TOPBP1: variants seen among roughly 807,000 people sequenced by gnomAD.
The protein encoded by TOPBP1 is DNA topoisomerase 2-binding protein 1.
A neutral mutation model predicts 167.7 loss-of-function variants in TOPBP1; 28 were observed. That is an observed-to-expected ratio of 0.17 (90% CI 0.12 to 0.23). The LOEUF is 0.23. Among genes scored for constraint, TOPBP1 ranks in the 10% least tolerant of loss-of-function variants. TOPBP1 has a pLI of 1.00. For missense variants in TOPBP1, 1,554 were observed against 1,809.6 expected, an observed-to-expected ratio of 0.86 and a Z score of 2.56; for synonymous variants, 598 against 611.4, an observed-to-expected ratio of 0.98 and a Z score of 0.32.
chr3:133,654,898 T>C (rs1936424505), intron 6 of TOPBP1, among the ~76,000 whole-genome samples: 1 of 152,192 alleles, frequency 6.6e-6, no homozygotes, highest in African/African-American at 2.4e-5. Flanking sequence ...AAAGCTGTTC[T>C]GTAAAGATTT....
chr3:133,620,275 A>G lies in TOPBP1; in HGVS notation c.3251T>C (p.Ile1084Thr). 6.2e-7 allele frequency: 1 copy of G among 1,614,006 alleles called. No individual in the cohort carries two copies. The highest frequency in any genetic ancestry group is 8.5e-7 in the Non-Finnish European group (1 of 1,179,894). The change falls in exon 20 of 28, where the codon ATA becomes ACA. Residue 1084 changes from isoleucine (I) to threonine (T), a missense_variant. Physicochemically the swap from Ile to Thr is moderately conservative, Grantham distance 89 (BLOSUM62 -1). Transcript: ENST00000260810. ...QLQEIMSATSIVKPQGQRTSL... is the reference protein window; with the variant it reads ...QLQEIMSATSTVKPQGQRTSL... ...AGTCCTCTGCCCTTGGGGTTTCACT[A>G]TTGATGTTGCAGACATTATCTCCTG... is the stretch of plus-strand genomic sequence containing the variant.
intron 13 of TOPBP1, 119 bp downstream of exon 13, chr3:133,639,840 G>T: frequency 1.1e-6 from 1 of 940,634 alleles, no homozygotes; most frequent in Non-Finnish European, 1.6e-6. Context: ...GACCCTCACT[G>T]CACCCAATGT....
chr3:133,642,000 T>G (rs1172843656), intron 12 of TOPBP1, among the ~76,000 whole-genome samples: 1 of 151,956 alleles, frequency 6.6e-6, no homozygotes, highest in East Asian at 1.9e-4. Context: ...TATTTGGGCT[T>G]TTTTTTGGAG....
chr3:133,602,356 T>C lies in TOPBP1; in HGVS notation c.4426-963A>G, dbSNP rs1044813798. ...CATTTCATACAACAGAAAGCTAGAA[T>C]TGATCCCCAATCAACCTGCACTCCA... On this transcript the variant is annotated intron_variant, in intron 27 of 27. Transcript: ENST00000260810. 6.2e-4 allele frequency among the ~76,000 whole-genome samples: 94 copies of C among 152,328 alleles called. 1 individual carries two copies. The highest frequency in any genetic ancestry group is 2.2e-3 in the African/African-American group (90 of 41,580).
intron 6 of TOPBP1, among the ~76,000 whole-genome samples, chr3:133,654,603 A>G (rs1264055458): frequency 2.0e-5 from 3 of 152,228 alleles, no homozygotes; most frequent in Admixed American, 6.5e-5. Context: ...CACAGTATAC[A>G]TATAAAGGGC....
Position 133,655,347 on chromosome 3 carries a change from A to G in TOPBP1, c.685T>C (p.Tyr229His), listed in dbSNP as rs1936444994. The G allele has an allele frequency of 1.9e-6, 3 of 1,603,104 alleles. No individual in the cohort carries two copies. Among genetic ancestry groups the G allele is most frequent in the Non-Finnish European group, 2.6e-6 (3 of 1,175,032 alleles). ...TCATTCATTTTCAATTGTCCCATGT[A>G]TTGACCTCCATGCTTAACTGTGAGT... ...QQLTVKHGGQ[Y>H]MGQLKMNECT... Residue 229 changes from tyrosine to histidine, a missense_variant, in exon 6 of 28, where the codon TAC becomes CAC. Coordinates refer to ENST00000260810, the MANE Select transcript of TOPBP1 (RefSeq NM_007027.4).
chr3:133,610,241 C>T (rs1273480110), intron 25 of TOPBP1, among the ~76,000 whole-genome samples: 1 of 152,104 alleles, frequency 6.6e-6, no homozygotes, highest in African/African-American at 2.4e-5. Context: ...CTGATTTCTA[C>T]AGAAGTTATG....
intron 19 of TOPBP1, among the ~76,000 whole-genome samples, chr3:133,621,925 C>T (rs1935101309): frequency 6.6e-6 from 1 of 151,252 alleles, no homozygotes; most frequent in South Asian, 2.1e-4. Context: ...GAATGGATGC[C>T]TAAACAAAGT....
chr3:133,610,934 T>C lies in TOPBP1; in HGVS notation c.4173+70A>G, dbSNP rs945037204. ...ATTATTTCCTGAAGCACATTCTCTT[T>C]TAAAAAAAATGTGAAAGAGTCACAA... is the stretch of plus-strand genomic sequence containing the variant. On this transcript the variant is annotated intron_variant, in intron 25 of 27. Coordinates refer to ENST00000260810, the MANE Select transcript of TOPBP1 (RefSeq NM_007027.4). The C allele has an allele frequency of 2.4e-5, 34 of 1,407,088 alleles. No homozygotes were observed. The Middle Eastern group carries it at 5.8e-4, about 24-fold the overall frequency. The allele number at this position is 1,407,088 out of a possible 1,614,324, so 87.2% of individuals were successfully genotyped here.
At chr3:133,608,842 A>T in intron 26 of TOPBP1, 31 bp downstream of exon 26, 1 of 1,588,602 alleles carries the variant, frequency 6.3e-7, no homozygotes, top group East Asian at 2.2e-5. Flanking sequence ...TTATTCATGT[A>T]AAAAGGTCAG....
chr3:133,639,769 C>T (rs975989355), intron 13 of TOPBP1, among the ~76,000 whole-genome samples, 190 bp downstream of exon 13: 3 of 151,974 alleles, frequency 2.0e-5, no homozygotes, highest in Non-Finnish European at 4.4e-5. Flanking sequence ...TTACTATGAG[C>T]CATAGAAAGA....
chr3:133,653,213 T>C (rs1054701889), intron 7 of TOPBP1, 132 bp downstream of exon 7: 2 of 859,266 alleles, frequency 2.3e-6, no homozygotes, highest in Admixed American at 3.8e-5. Flanking sequence ...TTGACTATTA[T>C]ACAATTATGC....
chr3:133,637,934 T>C lies in TOPBP1; in HGVS notation c.2462A>G (p.Asp821Gly). ...PLQKEPSLHLDTPSKFLSKDK... is the reference protein window; with the variant it reads ...PLQKEPSLHLGTPSKFLSKDK... ...CTTGGACAGGAATTTTGATGGTGTA[T>C]CCAGGTGTAACGAGGGCTCCTTCTG... is the stretch of plus-strand genomic sequence containing the variant. The change falls in exon 14 of 28, where the codon GAT (aspartate) becomes GGT (glycine). Residue 821 changes from aspartate to glycine, a missense_variant. By Grantham distance (94) the Asp-to-Gly change is moderately conservative. Transcript: ENST00000260810. The C allele has an allele frequency of 1.2e-6, 2 of 1,613,966 alleles. No individual in the cohort carries two copies. Among genetic ancestry groups the C allele is most frequent in the South Asian group, 1.1e-5 (1 of 91,086 alleles).
rs1305865519 is a variant in TOPBP1, at chr3:133,601,294, C to A, written c.4525G>T (p.Ala1509Ser). 1.9e-6 allele frequency: 3 copies of A among 1,608,104 alleles called. No homozygotes were observed. The highest frequency in any genetic ancestry group is 2.5e-6 in the Non-Finnish European group (3 of 1,178,070). Residue 1509 changes from alanine (A) to serine (S), a missense_variant, in exon 28 of 28, where the codon GCT becomes TCT. Ala to Ser is a moderately conservative substitution (Grantham distance 99, BLOSUM62 1). This residue lies in a region of TOPBP1 where 351 missense variants were observed against 432.9 expected (regional missense o/e 0.81). Coordinates refer to ENST00000260810, the MANE Select transcript of TOPBP1 (RefSeq NM_007027.4). Reference sequence around the variant, plus strand: ...TTGATTTTATTTTTTTCTGTAGGAGCTTTCCTCTTTTGTGATAATCCAGTC... The same window carrying A: ...TTGATTTTATTTTTTTCTGTAGGAGATTTCCTCTTTTGTGATAATCCAGTC... ...LGTGLSQKRK[A>S]PTEKNKIKRP...
At chr3:133,633,846 T>C (rs1335807865) in intron 14 of TOPBP1, among the ~76,000 whole-genome samples, 2 of 152,200 alleles carry the variant, frequency 1.3e-5, no homozygotes, top group Non-Finnish European at 2.9e-5. Context: ...TCCTACTCTC[T>C]TGGCATCTAT....
chr3:133,619,521 C>T (rs1170097514), intron 20 of TOPBP1, among the ~76,000 whole-genome samples: 1 of 152,100 alleles, frequency 6.6e-6, no homozygotes, highest in Non-Finnish European at 1.5e-5. Flanking sequence ...ACACTAGAAA[C>T]TGTAATCACC....
At chr3:133,659,824 A>C (rs1473373821) in intron 2 of TOPBP1, among the ~76,000 whole-genome samples, 18 of 152,020 alleles carry the variant, frequency 1.2e-4, no homozygotes, top group Admixed American at 1.2e-3. Context: ...CTTGTTTGCT[A>C]CTATATCCTG....
intron 11 of TOPBP1, 104 bp from the exon 12 acceptor site, chr3:133,643,476 TTTTAC>T (rs753562433): frequency 2.0e-6 from 2 of 985,754 alleles, no homozygotes; most frequent in Non-Finnish European, 2.9e-6. Context: ...TAAGAAGAAA[TTTTAC>T]TTTAATACAA....
chr3:133,640,996 T>C (rs1935874148), intron 12 of TOPBP1, among the ~76,000 whole-genome samples: 1 of 152,156 alleles, frequency 6.6e-6, no homozygotes, highest in South Asian at 2.1e-4. Context: ...TTGAACAGAA[T>C]TCCGTGATTT....
Sources: gnomAD v4.1 joint callset for allele counts (sites outside exome capture counted in the v4.1 genomes callset) on GRCh38, gnomAD v4.1.1 for gene constraint, gnomAD v4.1.1 regional missense constraint, MANE v1.5 for transcripts, NCBI Gene and HGNC (gene_info 2026-07-23, HGNC 2026-07-21) for gene names.